LCT: variants seen among roughly 807,000 people sequenced by gnomAD.
LCT encodes lactase.
LCT carries 90 observed loss-of-function variants against 173.0 expected under a neutral mutation model. The ratio of observed to expected loss-of-function variants is 0.52; its 90% CI spans 0.44 to 0.62. The LOEUF is 0.62. Among genes scored for constraint, LCT ranks in the 20% least tolerant of loss-of-function variants. The pLI, the probability that LCT is intolerant of heterozygous loss-of-function variation, is 0.00. For synonymous variants in LCT, 853 were observed against 957.6 expected (o/e 0.89, Z 2.02); for missense variants, 1,864 against 2,431.4 (o/e 0.77, Z 4.91).
chr2:135,826,419 A>G (rs974533568), intron 3 of LCT, among the ~76,000 whole-genome samples: 2 of 147,274 alleles, frequency 1.4e-5, no homozygotes. Context: ...AAAAAAAAAA[A>G]GCTAGGCATG....
At chr2:135,808,272 C>T (rs2077693884) in intron 8 of LCT, among the ~76,000 whole-genome samples, 171 bp downstream of exon 8, 1 of 151,944 alleles carries the variant, frequency 6.6e-6, no homozygotes, top group Non-Finnish European at 1.5e-5. Flanking sequence ...AGCCTTTTTT[C>T]CCCCAGCTTC....
At chr2:135,801,708 G>T (rs1213995679) in intron 11 of LCT, among the ~76,000 whole-genome samples, 1 of 151,596 alleles carries the variant, frequency 6.6e-6, no homozygotes, top group Non-Finnish European at 1.5e-5. Context: ...TGAGTAGCTG[G>T]GACTGCAGGC....
intron 1 of LCT, among the ~76,000 whole-genome samples, chr2:135,836,258 ATCCGCCCACC>A (rs1679374786): frequency 1.3e-5 from 2 of 151,962 alleles, no homozygotes; most frequent in South Asian, 4.2e-4. Context: ...ACTTCAAGTG[ATCCGCCCACC>A]TCGGCCTCCC....
At chr2:135,825,922 C>T (rs969873824) in intron 3 of LCT, among the ~76,000 whole-genome samples, 7 of 152,190 alleles carry the variant, frequency 4.6e-5, no homozygotes, top group Non-Finnish European at 8.8e-5. Context: ...GATTCAGGCT[C>T]CTGTGGACAC....
At chr2:135,818,159 T>G in intron 5 of LCT, 98 bp from the exon 6 acceptor site, 3 of 1,441,292 alleles carry the variant, frequency 2.1e-6, no homozygotes, top group Non-Finnish European at 2.9e-6. Context: ...TCAGAAAAGA[T>G]TCCAGAAACA....
In LCT at chr2:135,804,139, G is replaced by A. The variant is rs1472333992; in HGVS notation, c.4465-11C>T. The stretch of plus-strand genomic sequence containing the variant: ...GTGGTAAATGGTCACCTGGGAAGAA[G>A]CCAGATCAGCTGTTGCATCAGTCAT... On this transcript the variant is annotated splice_polypyrimidine_tract_variant and intron_variant, in intron 10 of 16. Transcript: ENST00000264162. The A allele has an allele frequency of 6.2e-7, 1 of 1,608,982 alleles. No individual in the cohort carries two copies. Among genetic ancestry groups the A allele is most frequent in the Non-Finnish European group, 8.5e-7 (1 of 1,176,446 alleles).
Position 135,809,179 on chromosome 2 carries a change from T to C in LCT, c.3168A>G (p.Arg1056=). 6.2e-7 allele frequency: 1 copy of C among 1,614,218 alleles called. No homozygotes were observed. Among genetic ancestry groups the C allele is most frequent in the Non-Finnish European group, 8.5e-7 (1 of 1,180,046 alleles). ...CATTAAAAGTCATCCAAAACTTGAC[T>C]CTATCACCAAAGGTCTGGAAACAAA... ...ADFCFQTFGD[R]VKFWMTFNEP... Residue 1056 remains arginine (R), a synonymous_variant, in exon 8 of 17, where the codon AGA becomes AGG. Coordinates refer to ENST00000264162, the MANE Select transcript of LCT (RefSeq NM_002299.4). This position sits in a 1 kb window ranked among gnomAD's most constrained non-coding sequence, Gnocchi z 5.5.
Position 135,808,825 on chromosome 2 carries a change from G to A in LCT, c.3522C>T (p.Asn1174=). Reference sequence around the variant, plus strand: ...TGGCTAAGTGCTGCAGTTCACTCCTGTTCCCCACTTTCCACTTCATGGTGT... The same window carrying A: ...TGGCTAAGTGCTGCAGTTCACTCCTATTCCCCACTTTCCACTTCATGGTGT... ...YPDTMKWKVG[N]RSELQHLATS... is the part of the protein sequence containing the mutation. Residue 1174 remains asparagine (N), a synonymous_variant, in exon 8 of 17, where the codon AAC becomes AAT. Coordinates refer to ENST00000264162, the MANE Select transcript of LCT (RefSeq NM_002299.4). 1.2e-6 allele frequency: 2 copies of A among 1,614,152 alleles called. No homozygotes were observed. The highest frequency in any genetic ancestry group is 1.1e-5 in the South Asian group (1 of 91,074).
chr2:135,794,523 C>T (rs1179332504), intron 14 of LCT, 118 bp downstream of exon 14: 3 of 1,100,382 alleles, frequency 2.7e-6, no homozygotes, highest in Non-Finnish European at 4.2e-6. Context: ...TTGCAAACCC[C>T]GGCACATTCG....
intron 5 of LCT, among the ~76,000 whole-genome samples, chr2:135,821,244 T>C (rs1008634942): frequency 2.0e-5 from 3 of 152,214 alleles, no homozygotes; most frequent in Admixed American, 6.5e-5. Context: ...CTCAGTAAGA[T>C]ATTATTTACA....
chr2:135,815,782 C>T (rs1002348168), intron 6 of LCT, among the ~76,000 whole-genome samples: 1 of 152,094 alleles, frequency 6.6e-6, no homozygotes, highest in African/African-American at 2.4e-5. Context: ...TCACTACAAC[C>T]TCCGCCTCCC....
rs755208875 is a variant in LCT at position 135,812,964 on chromosome 2, A to G, written c.1708-8T>C. 1.5e-5 allele frequency: 24 copies of G among 1,613,254 alleles called. 1 individual carries two copies. Among genetic ancestry groups the G allele is most frequent in the South Asian group, 9.9e-5 (9 of 90,916 alleles). ...GAGGACCAAGTGAGCCACCTTGTGA[A>G]AAAGTAAGAAGGAAATACAGTGATT... On this transcript the variant is annotated splice_polypyrimidine_tract_variant and splice_region_variant and intron_variant, in intron 6 of 16. Transcript: ENST00000264162.
intron 6 of LCT, among the ~76,000 whole-genome samples, chr2:135,815,221 G>C (rs1190988905): frequency 6.6e-6 from 1 of 152,166 alleles, no homozygotes; most frequent in Non-Finnish European, 1.5e-5. Context: ...AGCTCACTAA[G>C]ACAATGGCAT....
At chr2:135,822,557 G>A in intron 4 of LCT, 1 of 194,850 alleles carries the variant, frequency 5.1e-6, no homozygotes, top group Non-Finnish European at 1.1e-5. Flanking sequence ...AAACAGAAAA[G>A]GTACAATTTT....
Position 135,789,657 on chromosome 2 carries a change from GC to G in LCT, c.5476del (p.Ala1826HisfsTer38). ...SDPSLPRIPK[A>X]SAKFYASVVR... ...CACAGAGGCGTAGAACTTCGCTGAT[GC>G]TTTGGGGATCCTTGGCAGAGAAGGG... On this transcript the variant is annotated frameshift_variant, in exon 16 of 17. Coordinates refer to ENST00000264162, the MANE Select transcript of LCT (RefSeq NM_002299.4). LOFTEE classifies it high-confidence loss of function. 6.2e-7 allele frequency: 1 copy of G among 1,614,186 alleles called. No homozygotes were observed. Among genetic ancestry groups the G allele is most frequent in the Non-Finnish European group, 8.5e-7 (1 of 1,180,022 alleles).
intron 11 of LCT, among the ~76,000 whole-genome samples, chr2:135,801,389 G>A (rs1399285933): frequency 6.6e-6 from 1 of 151,996 alleles, no homozygotes; most frequent in African/African-American, 2.4e-5. Flanking sequence ...ATTCAGAAAG[G>A]ACTATATGTA....
Position 135,807,123 on chromosome 2 carries a change from C to T in LCT, c.4173+5G>A, listed in dbSNP as rs575414951. ...ACTGGTGTCCCACCATCCTGAACTC[C>T]TCACCTGATATGCAGCAGAAGCTGC... On this transcript the variant is annotated splice_donor_5th_base_variant and intron_variant, in intron 9 of 16. Coordinates refer to ENST00000264162, the MANE Select transcript of LCT (RefSeq NM_002299.4). 5.9e-5 allele frequency: 95 copies of T among 1,612,860 alleles called. No individual in the cohort carries two copies. The highest frequency in any genetic ancestry group is 7.6e-5 in the Non-Finnish European group (90 of 1,179,516).
chr2:135,790,581 C>T lies in LCT; in HGVS notation c.5335+77G>A. On this transcript the variant is annotated intron_variant, in intron 15 of 16. Coordinates refer to ENST00000264162, the MANE Select transcript of LCT (RefSeq NM_002299.4). This position sits in a 1 kb window ranked among gnomAD's most constrained non-coding sequence, Gnocchi z 4.1. ...CTCTTCTTACTGTGGCCCAAGGACG[C>T]TGTATCACACTCCTGCAAATAGCAG... 1.1e-6 allele frequency: 1 copy of T among 930,462 alleles called. No individual in the cohort carries two copies. Among genetic ancestry groups the T allele is most frequent in the Non-Finnish European group, 1.8e-6 (1 of 568,772 alleles). 57.6% of individuals were successfully genotyped at this position (930,462 alleles called of 1,614,324 possible).
chr2:135,823,379 C>T (rs1558743543), intron 4 of LCT, among the ~76,000 whole-genome samples: 1 of 152,192 alleles, frequency 6.6e-6, no homozygotes, highest in Non-Finnish European at 1.5e-5. Context: ...GATTCACTTT[C>T]AAGAATTTGA....
Sources: allele counts gnomAD v4.1 joint callset (sites outside exome capture counted in the v4.1 genomes callset), GRCh38; gene constraint gnomAD v4.1.1; non-coding constraint Gnocchi (gnomAD v3.1); transcripts MANE v1.5; gene names NCBI Gene and HGNC (gene_info 2026-07-23, HGNC 2026-07-21).